The following TAS2R1 variants were observed in gnomAD, a reference collection of about 807,000 sequenced individuals.
The protein encoded by TAS2R1 is taste 2 receptor member 1.
For synonymous variants in TAS2R1, 141 were observed against 134.2 expected (o/e 1.05, Z -0.35); for missense variants, 370 against 353.4 (o/e 1.05, Z -0.38).
At chr5:9,750,339 A>G in the TAS2R1 span, among the ~76,000 whole-genome samples, 24 of 152,188 alleles carry the variant, frequency 1.6e-4, no homozygotes, top group Admixed American at 6.5e-5. Context: ...TTCTTAAAAC[A>G]TAGCCCACAC....
At chr5:9,665,563 AC>A (rs1740615463) in intron 1 of TAS2R1, among the ~76,000 whole-genome samples, 1 of 152,330 alleles carries the variant, frequency 6.6e-6, no homozygotes, top group South Asian at 2.1e-4. Flanking sequence ...CCTCTCTAGG[AC>A]ACACCTTAAA....
chr5:9,823,638 A>G, the TAS2R1 span, among the ~76,000 whole-genome samples: 1 of 118,516 alleles, frequency 8.4e-6, no homozygotes, highest in Non-Finnish European at 1.7e-5. Flanking sequence ...GGGAGGAAGG[A>G]AGGGAGGGAA....
the TAS2R1 span, among the ~76,000 whole-genome samples, chr5:9,777,169 G>A: frequency 6.6e-6 from 1 of 152,110 alleles, no homozygotes; most frequent in Non-Finnish European, 1.5e-5. Context: ...TTGCTGCATC[G>A]ATTGACTCTC....
chr5:9,770,112 T>C, the TAS2R1 span, among the ~76,000 whole-genome samples: 1 of 152,176 alleles, frequency 6.6e-6, no homozygotes, highest in Non-Finnish European at 1.5e-5. Context: ...TGGGGTCTAG[T>C]ATTGTTCTTC....
At chr5:9,864,047 C>T in the TAS2R1 span, among the ~76,000 whole-genome samples, 4 of 152,208 alleles carry the variant, frequency 2.6e-5, no homozygotes, top group Non-Finnish European at 2.9e-5. Context: ...TCCTGCTATG[C>T]CCATAACTGA....
intron 1 of TAS2R1, among the ~76,000 whole-genome samples, chr5:9,684,362 T>A (rs189445625): frequency 2.6e-5 from 4 of 152,080 alleles, no homozygotes; most frequent in Admixed American, 2.6e-4. Context: ...CTCATAGAAG[T>A]AGAGTAGAAT....
intron 1 of TAS2R1, among the ~76,000 whole-genome samples, chr5:9,703,396 T>C (rs1741532964): frequency 6.6e-6 from 1 of 152,196 alleles, no homozygotes; most frequent in Admixed American, 6.5e-5. Flanking sequence ...GAAGCTCATC[T>C]GACAGGTCCA....
chr5:9,843,738 G>T, the TAS2R1 span, among the ~76,000 whole-genome samples: 1 of 152,188 alleles, frequency 6.6e-6, no homozygotes, highest in African/African-American at 2.4e-5. Flanking sequence ...ACCAGAATAT[G>T]ACCCCAGTAG....
the TAS2R1 span, among the ~76,000 whole-genome samples, chr5:9,871,198 A>C: frequency 6.6e-6 from 1 of 152,180 alleles, no homozygotes; most frequent in Admixed American, 6.5e-5. Context: ...CTTAAAAAGG[A>C]GAGAATTGGA....
At chr5:9,646,635 T>C (rs1282504527) in intron 2 of TAS2R1, among the ~76,000 whole-genome samples, 5 of 152,146 alleles carry the variant, frequency 3.3e-5, no homozygotes. Flanking sequence ...TATTTCAGAT[T>C]TTCATATATA....
At chr5:9,774,496 A>G in the TAS2R1 span, among the ~76,000 whole-genome samples, 94 of 152,324 alleles carry the variant, frequency 6.2e-4, no homozygotes, top group African/African-American at 2.1e-3. Context: ...ATGTTTGTCA[A>G]TGTCTGGGCA....
chr5:9,854,565 A>G, the TAS2R1 span: 1 of 152,232 alleles, frequency 6.6e-6, no homozygotes, highest in South Asian at 2.1e-4. Context: ...GAGACTCAAG[A>G]TTCAATAATA....
chr5:9,697,549 A>G lies in TAS2R1; in HGVS notation c.-242+14623T>C, dbSNP rs548933728. On this transcript the variant is annotated intron_variant, in intron 1 of 2. Coordinates refer to the TAS2R1 transcript ENST00000506620. ...GATGTTGAACACAATTCAACTATTC[A>G]TGAAAAAATAATCTGCCCCATAAAG... Among the ~76,000 whole-genome samples, 100 of 152,338 alleles carry G rather than the reference A, an allele frequency of 6.6e-4. 4 individuals are homozygous for G. Among genetic ancestry groups the G allele is most frequent in the Non-Finnish European group, 5.1e-4 (35 of 68,000 alleles).
chr5:9,729,679 C>G, the TAS2R1 span, among the ~76,000 whole-genome samples: 1 of 152,114 alleles, frequency 6.6e-6, no homozygotes, highest in Non-Finnish European at 1.5e-5. Flanking sequence ...AAACCGGAGG[C>G]AGCACTTAAA....
the TAS2R1 span, among the ~76,000 whole-genome samples, chr5:9,856,955 A>T: frequency 6.6e-6 from 1 of 152,248 alleles, no homozygotes; most frequent in African/African-American, 2.4e-5. Flanking sequence ...TTCAGCCATA[A>T]AAAGGATAAA....
chr5:9,690,509 T>C (rs144492618), intron 1 of TAS2R1, among the ~76,000 whole-genome samples: 2 of 152,200 alleles, frequency 1.3e-5, no homozygotes, highest in African/African-American at 4.8e-5. Flanking sequence ...TTCATTAAAA[T>C]TAAGCACGCA....
the TAS2R1 span, among the ~76,000 whole-genome samples, chr5:9,849,189 C>G: frequency 6.6e-6 from 1 of 152,162 alleles, no homozygotes; most frequent in African/African-American, 2.4e-5. Context: ...ACACATGGAT[C>G]AGAATTAAAC....
the TAS2R1 span, among the ~76,000 whole-genome samples, chr5:9,894,391 T>TCAAAAACAAAAACAAAAACAAAAA: frequency 6.8e-6 from 1 of 147,082 alleles, no homozygotes; most frequent in Non-Finnish European, 1.5e-5. Context: ...AGACTCTGTC[T>TCAAAAACAAAAACAAAAACAAAAA]CAAAAACAAA....
intron 1 of TAS2R1, among the ~76,000 whole-genome samples, chr5:9,701,310 C>T (rs2062150749): frequency 6.6e-6 from 1 of 151,408 alleles, no homozygotes; most frequent in Middle Eastern, 3.2e-3. Flanking sequence ...CTTCCCGGAC[C>T]CCTCCTTCCA....
Sources: allele counts gnomAD v4.1 joint callset (sites outside exome capture counted in the v4.1 genomes callset), GRCh38; gene constraint gnomAD v4.1.1; transcripts MANE v1.5; gene names NCBI Gene and HGNC (gene_info 2026-07-23, HGNC 2026-07-21).